FTO: variants seen among roughly 807,000 people sequenced by gnomAD.
FTO encodes alpha-ketoglutarate-dependent dioxygenase FTO.
Under a neutral mutation model 63.9 loss-of-function variants are expected in FTO, and 47 were observed. That is an observed-to-expected ratio of 0.74 (90% CI 0.58 to 0.94). The LOEUF (loss-of-function observed/expected upper bound fraction) is 0.94, where lower values mean the gene tolerates loss of function less well. Ranked by LOEUF, FTO falls within the 40% of genes least tolerant of loss-of-function variation. The pLI is 0.00. For synonymous variants in FTO, 207 were observed against 224.4 expected, an observed-to-expected ratio of 0.92 and a Z score of 0.69; for missense variants, 562 against 618.1, an observed-to-expected ratio of 0.91 and a Z score of 0.96.
At position 53,880,474 on chromosome 16, in the gene FTO, G is replaced by A. The variant is rs73607665; in HGVS notation, c.1119+487G>A. On this transcript the variant is annotated intron_variant, in intron 6 of 8. Coordinates refer to ENST00000471389, the MANE Select transcript of FTO (RefSeq NM_001080432.3). Reference sequence around the variant, plus strand: ...TCTCCGTATTTTTGTGTTAGTTCACGAACTTATTCTGTTCAGGCTGCAGTA... The same window carrying A: ...TCTCCGTATTTTTGTGTTAGTTCACAAACTTATTCTGTTCAGGCTGCAGTA... 8.8e-3 allele frequency among the ~76,000 whole-genome samples: 1,347 copies of A among 152,242 alleles called. 25 individuals carry two copies. Among genetic ancestry groups the A allele is most frequent in the African/African-American group, 0.031 (1,295 of 41,542 alleles).
intron 8 of FTO, among the ~76,000 whole-genome samples, chr16:54,016,041 A>G (rs2084438551): frequency 1.3e-5 from 2 of 152,114 alleles, no homozygotes; most frequent in African/African-American, 2.4e-5. Context: ...ACACACATTC[A>G]TGTGTTCCTT....
intron 8 of FTO, among the ~76,000 whole-genome samples, chr16:54,076,395 C>T (rs73623521): frequency 2.7e-3 from 406 of 152,142 alleles, no homozygotes; most frequent in African/African-American, 9.1e-3. Flanking sequence ...ACCCTAGAAA[C>T]ATATAATAGC....
chr16:53,780,191 T>C (rs1291753641), intron 1 of FTO, among the ~76,000 whole-genome samples: 1 of 152,174 alleles, frequency 6.6e-6, no homozygotes, highest in Non-Finnish European at 1.5e-5. Flanking sequence ...AGCCACTCTG[T>C]CCTTGCTCGT....
intron 1 of FTO, among the ~76,000 whole-genome samples, chr16:53,748,827 G>A (rs1440189290): frequency 1.3e-5 from 2 of 151,922 alleles, no homozygotes. Flanking sequence ...GCAGTGGTGC[G>A]ATTTCAGCTT....
chr16:53,840,878 G>T (rs530135877), intron 3 of FTO, among the ~76,000 whole-genome samples: 2 of 151,922 alleles, frequency 1.3e-5, no homozygotes, highest in Non-Finnish European at 2.9e-5. Flanking sequence ...GTAATTCAAG[G>T]GTAGCTGGGA....
chr16:53,871,726 T>C (rs1454426303), intron 4 of FTO, among the ~76,000 whole-genome samples: 4 of 146,886 alleles, frequency 2.7e-5, no homozygotes, highest in African/African-American at 9.9e-5. Flanking sequence ...AGTTGGATCC[T>C]TTTTTTTTTT....
chr16:54,005,553 C>T (rs1209642985), intron 8 of FTO, among the ~76,000 whole-genome samples: 1 of 151,844 alleles, frequency 6.6e-6, no homozygotes, highest in Non-Finnish European at 1.5e-5. Context: ...CACGAGAGTT[C>T]TTTGGTGAAG....
At chr16:53,957,315 C>T (rs1369856560) in intron 8 of FTO, among the ~76,000 whole-genome samples, 1 of 152,246 alleles carries the variant, frequency 6.6e-6, no homozygotes, top group Non-Finnish European at 1.5e-5. Flanking sequence ...TTGCAACGCA[C>T]TTCCTCCACT....
chr16:53,859,619 C>T (rs117107428), intron 4 of FTO, among the ~76,000 whole-genome samples: 11 of 151,290 alleles, frequency 7.3e-5, no homozygotes, highest in Non-Finnish European at 1.6e-4. Flanking sequence ...GACCTAAAAA[C>T]GAGCAAAGGA....
intron 8 of FTO, among the ~76,000 whole-genome samples, chr16:53,962,255 A>G (rs2083099751): frequency 6.6e-6 from 1 of 152,172 alleles, no homozygotes; most frequent in Non-Finnish European, 1.5e-5. Flanking sequence ...CAGGACCCAG[A>G]ATAAGAATTC....
At chr16:53,897,188 G>C (rs1483841579) in intron 7 of FTO, among the ~76,000 whole-genome samples, 1 of 151,974 alleles carries the variant, frequency 6.6e-6, no homozygotes, top group African/African-American at 2.4e-5. Flanking sequence ...AAATGTGATT[G>C]ACATTTTTTT....
At chr16:53,940,385 A>G (rs2082499326) in intron 8 of FTO, among the ~76,000 whole-genome samples, 1 of 152,172 alleles carries the variant, frequency 6.6e-6, no homozygotes, top group South Asian at 2.1e-4. Context: ...AGAAGAGGTG[A>G]GGTTCCAAAT....
intron 8 of FTO, among the ~76,000 whole-genome samples, chr16:54,091,086 A>G (rs1454184400): frequency 2.0e-5 from 3 of 152,206 alleles, no homozygotes; most frequent in Non-Finnish European, 4.4e-5. Context: ...AGAAAGGGCC[A>G]GTCCAGGTTG....
At chr16:53,792,776 T>C (rs2151692313) in intron 1 of FTO, among the ~76,000 whole-genome samples, 1 of 152,298 alleles carries the variant, frequency 6.6e-6, no homozygotes, top group African/African-American at 2.4e-5. Flanking sequence ...AATTTGGCTT[T>C]TTCATCTGAA....
chr16:53,844,266 C>A lies in FTO; in HGVS notation c.863C>A (p.Pro288His). The A allele has an allele frequency of 6.2e-7, 1 of 1,613,276 alleles. No individual in the cohort carries two copies. The highest frequency in any genetic ancestry group is 8.5e-7 in the Non-Finnish European group (1 of 1,179,388). Residue 288 changes from proline to histidine, a missense_variant, in exon 4 of 9, where the codon CCC (proline) becomes CAC (histidine). Transcript: ENST00000471389. Reference protein sequence around the residue: ...WDIETPGLAIPLHQGDCYFML... With the variant: ...WDIETPGLAIHLHQGDCYFML... ...ATAGAGACACCTGGTTTGGCGATAC[C>A]CCTTCACCAAGGAGACTGCTATTTC...
chr16:53,874,224 G>A (rs2080584025), intron 5 of FTO, among the ~76,000 whole-genome samples: 1 of 152,196 alleles, frequency 6.6e-6, no homozygotes, highest in Admixed American at 6.5e-5. Context: ...TTGTGCATGT[G>A]TTAGCTGTGG....
chr16:54,065,352 T>C (rs974283096), intron 8 of FTO, among the ~76,000 whole-genome samples: 7 of 151,768 alleles, frequency 4.6e-5, no homozygotes, highest in African/African-American at 1.5e-4. Context: ...TTTTTAGGAA[T>C]GGGGTCTTAC....
intron 7 of FTO, among the ~76,000 whole-genome samples, chr16:53,928,104 G>C (rs1198436872): frequency 6.6e-6 from 1 of 152,164 alleles, no homozygotes; most frequent in Non-Finnish European, 1.5e-5. Flanking sequence ...AAGACCCACA[G>C]CTAGGAGGTG....
intron 8 of FTO, among the ~76,000 whole-genome samples, chr16:53,961,407 C>T (rs1232855647): frequency 1.3e-5 from 2 of 152,202 alleles, no homozygotes; most frequent in Admixed American, 6.5e-5. Context: ...GACACTTGAT[C>T]CTAGCTGTTG....
Sources: allele counts gnomAD v4.1 joint callset (sites outside exome capture counted in the v4.1 genomes callset), GRCh38; gene constraint gnomAD v4.1.1; transcripts MANE v1.5; gene names NCBI Gene and HGNC (gene_info 2026-07-23, HGNC 2026-07-21).